The following UBXN2A variants were observed in gnomAD, a reference collection of about 807,000 sequenced individuals.
UBXN2A encodes UBX domain protein 2A.
A neutral mutation model predicts 28.4 loss-of-function variants in UBXN2A; 28 were observed. The observed-to-expected ratio is 0.99, with a 90% CI of 0.73 to 1.35. The LOEUF (loss-of-function observed/expected upper bound fraction) is 1.35, where lower values mean the gene tolerates loss of function less well. Among genes scored for constraint, UBXN2A ranks in the 40% most tolerant of loss-of-function variants. The pLI is 0.00. For missense variants in UBXN2A, 253 were observed against 297.9 expected, an observed-to-expected ratio of 0.85 and a Z score of 1.11; for synonymous variants, 97 against 103.6, an observed-to-expected ratio of 0.94 and a Z score of 0.39.
At chr2:23,977,348 C>CGGGGGGGGGG in intron 4 of UBXN2A, 1 of 3,272 alleles carries the variant, frequency 3.1e-4, no homozygotes, top group African/African-American at 1.8e-3. Flanking sequence ...AGGCGGGGGT[C>CGGGGGGGGGG]GGGGGGGTGG....
At chr2:23,955,169 G>T (rs547059188) in intron 1 of UBXN2A, among the ~76,000 whole-genome samples, 1 of 152,146 alleles carries the variant, frequency 6.6e-6, no homozygotes, top group South Asian at 2.1e-4. Context: ...CTGACCTTGT[G>T]ATTCGCCCAC....
At chr2:23,932,519 C>T (rs548173761) in intron 1 of UBXN2A, among the ~76,000 whole-genome samples, 7 of 152,102 alleles carry the variant, frequency 4.6e-5, no homozygotes, top group Non-Finnish European at 8.8e-5. Flanking sequence ...CCCACCTTTC[C>T]CAACACTGAC....
At chr2:23,941,032 C>T (rs1347881317) in intron 1 of UBXN2A, among the ~76,000 whole-genome samples, 6 of 152,180 alleles carry the variant, frequency 3.9e-5, no homozygotes, top group Admixed American at 6.5e-5. Flanking sequence ...CAAAGTATGC[C>T]TATTAGTGAC....
chr2:23,974,439 G>A (rs547816646), intron 3 of UBXN2A, among the ~76,000 whole-genome samples: 41 of 151,050 alleles, frequency 2.7e-4, no homozygotes, highest in East Asian at 5.9e-4. Context: ...TCCGCCTCCC[G>A]GGTTCACACC....
rs1476972953 is a variant in UBXN2A, at chr2:24,004,787, T to C, written c.*4920T>C. 6.6e-6 allele frequency: 1 copy of C among 152,276 alleles called. No individual in the cohort carries two copies. The highest frequency in any genetic ancestry group is 1.5e-5 in the Non-Finnish European group (1 of 68,048). The allele number at this position is 152,276 out of a possible 1,614,324, so 9.4% of individuals were successfully genotyped here. A position where few individuals can be genotyped will look rare whatever the true frequency, so the allele number is the denominator to read the frequency against. On this transcript the variant is annotated 3_prime_UTR_variant, in exon 7 of 7. Coordinates refer to ENST00000309033, the MANE Select transcript of UBXN2A (RefSeq NM_181713.4). ...TCTCGGTATAATTTTTCATGACATTTCAGCATGTTGATAATATGTGTGCAT... is the reference window on the plus strand; with the variant it reads ...TCTCGGTATAATTTTTCATGACATTCCAGCATGTTGATAATATGTGTGCAT...
Position 23,984,750 on chromosome 2 carries a change from A to G in UBXN2A, c.503A>G (p.Asn168Ser), listed in dbSNP as rs752140305. Residue 168 changes from asparagine to serine, a missense_variant, in exon 6 of 7, where the codon AAC (asparagine) becomes AGC (serine). Physicochemically the swap from Asn to Ser is conservative, Grantham distance 46. Transcript: ENST00000309033. ...NKNNLSAVPL[N>S]NLEPITNIQI... ...AATAATTTGTCTGCTGTTCCACTGA[A>G]CAACTTGGAACCCATTACTAATATA... is the stretch of plus-strand genomic sequence containing the variant. 6.4e-7 allele frequency: 1 copy of G among 1,565,598 alleles called. No homozygotes were observed. The highest frequency in any genetic ancestry group is 8.6e-7 in the Non-Finnish European group (1 of 1,165,088).
rs369295687 is a variant in UBXN2A at position 24,000,883 on chromosome 2, A to T, written c.*1016A>T. ...AAAATTATGGATTTGTTTTTGGCTA[A>T]CATTTGGGATTAGCCATTCATTTGC... On this transcript the variant is annotated 3_prime_UTR_variant, in exon 7 of 7. Transcript: ENST00000309033. The T allele has an allele frequency of 2.7e-4, 41 of 152,326 alleles. No homozygotes were observed. Among genetic ancestry groups the T allele is most frequent in the African/African-American group, 9.1e-4 (38 of 41,576 alleles). The allele number at this position is 152,326 out of a possible 1,614,324, so 9.4% of individuals were successfully genotyped here. A position where few individuals can be genotyped will look rare whatever the true frequency, so the allele number is the denominator to read the frequency against.
intron 1 of UBXN2A, among the ~76,000 whole-genome samples, chr2:23,951,243 C>T (rs1292935124): frequency 6.6e-6 from 1 of 151,252 alleles, no homozygotes; most frequent in East Asian, 1.9e-4. Context: ...AACAAACAGC[C>T]CCACCAGATT....
At position 23,927,633 on chromosome 2, in the gene UBXN2A, A is replaced by AC; in HGVS notation, c.-138+18_-138+19insC. The AC allele has an allele frequency of 3.9e-5, 5 of 127,092 alleles. No individual in the cohort carries two copies. In the Middle Eastern group the frequency reaches 0.02, roughly 500 times the overall value. The allele number at this position is 127,092 out of a possible 1,614,324, so 7.9% of individuals were successfully genotyped here. A position where few individuals can be genotyped will look rare whatever the true frequency, so the allele number is the denominator to read the frequency against. ...GGAACTTGGTAAGCTTAAGAAGAGA[A>AC]GGGGGGGGGGAAACACCATGCTAGA... On this transcript the variant is annotated intron_variant, in intron 1 of 7. Transcript: ENST00000404924.
intron 2 of UBXN2A, among the ~76,000 whole-genome samples, chr2:23,960,758 G>A (rs1305380921): frequency 2.0e-5 from 3 of 151,314 alleles, no homozygotes; most frequent in South Asian, 2.1e-4. Flanking sequence ...TCAGCCTCCC[G>A]AGTGGCTGAG....
chr2:23,986,019 A>C (rs1284412306), intron 6 of UBXN2A, among the ~76,000 whole-genome samples: 1 of 151,884 alleles, frequency 6.6e-6, no homozygotes, highest in East Asian at 1.9e-4. Flanking sequence ...AATAACAGTA[A>C]TGAAGTTGGC....
chr2:24,002,287 C>G lies in UBXN2A; in HGVS notation c.*2420C>G, dbSNP rs1297739574. 1.3e-5 allele frequency: 2 copies of G among 152,030 alleles called. No homozygotes were observed. Among genetic ancestry groups the G allele is most frequent in the African/African-American group, 2.4e-5 (1 of 41,380 alleles). 9.4% of individuals were successfully genotyped at this position (152,030 alleles called of 1,614,324 possible). ...TGGTGTGGTGGCACATGCCTGTAAT[C>G]TCAGCTACTAGGGAGGCTGAGGGAG... is the stretch of plus-strand genomic sequence containing the variant. On this transcript the variant is annotated 3_prime_UTR_variant, in exon 7 of 7. Transcript: ENST00000309033.
chr2:23,947,681 A>G (rs1706154901), intron 1 of UBXN2A, among the ~76,000 whole-genome samples: 1 of 152,180 alleles, frequency 6.6e-6, no homozygotes, highest in African/African-American at 2.4e-5. Context: ...TTTTTACATC[A>G]TAATTCTATG....
rs1708697455 is a variant in UBXN2A at position 24,000,452 on chromosome 2, G to C, written c.*585G>C. 6.6e-6 allele frequency: 1 copy of C among 152,388 alleles called. No homozygotes were observed. The highest frequency in any genetic ancestry group is 6.5e-5 in the Admixed American group (1 of 15,288). The allele number at this position is 152,388 out of a possible 1,614,324, so 9.4% of individuals were successfully genotyped here. ...AGCTACTCGGGAGGCTGAGGCAGGAGAATCTCTTGAACCTGGCAAGTGTAG... is the reference window on the plus strand; with the variant it reads ...AGCTACTCGGGAGGCTGAGGCAGGACAATCTCTTGAACCTGGCAAGTGTAG... On this transcript the variant is annotated 3_prime_UTR_variant, in exon 7 of 7. Coordinates refer to ENST00000309033, the MANE Select transcript of UBXN2A (RefSeq NM_181713.4).
chr2:23,940,676 C>G (rs1705706722), intron 1 of UBXN2A, 28 bp downstream of exon 1: 1 of 151,550 alleles, frequency 6.6e-6, no homozygotes, highest in African/African-American at 2.4e-5. Flanking sequence ...GCGCCGCGTC[C>G]GGCGGGGTGA....
In UBXN2A at chr2:23,971,322, CA is replaced by C; in HGVS notation, c.90del (p.Gln30HisfsTer32). 1 of 1,574,532 alleles carries C rather than the reference CA, an allele frequency of 6.4e-7. No homozygotes were observed. The highest frequency in any genetic ancestry group is 8.7e-7 in the Non-Finnish European group (1 of 1,151,560). ...SDNQPLGNNQ[Q>X]SNCEYFVDSL... ...TAATCAACCTCTTGGTAATAATCAA[CA>C]ATCAAATTGTGAATATTTTGTTGAT... is the stretch of plus-strand genomic sequence containing the variant. On this transcript the variant is annotated frameshift_variant, in exon 3 of 7. Transcript: ENST00000309033. LOFTEE classifies it high-confidence loss of function.
intron 1 of UBXN2A, among the ~76,000 whole-genome samples, chr2:23,955,621 G>A (rs975458128): frequency 6.6e-6 from 1 of 152,128 alleles, no homozygotes; most frequent in African/African-American, 2.4e-5. Context: ...TATACACACA[G>A]GCTGTATGGT....
At position 23,940,644 on chromosome 2, in the gene UBXN2A, C is replaced by G. The variant is rs1243691680; in HGVS notation, c.-19C>G. 6.6e-6 allele frequency: 1 copy of G among 151,456 alleles called. No individual in the cohort carries two copies. Among genetic ancestry groups the G allele is most frequent in the African/African-American group, 2.4e-5 (1 of 41,326 alleles). The allele number at this position is 151,456 out of a possible 1,614,324, so 9.4% of individuals were successfully genotyped here. ...GAGGCCGAGGCCGGGAGGCCGTGCC[C>G]GGAGGTGAGCGTCCCGGGGCCGCGC... On this transcript the variant is annotated 5_prime_UTR_variant, in exon 1 of 7. Transcript: ENST00000309033.
At chr2:23,976,462 C>G (rs1455007623) in intron 3 of UBXN2A, among the ~76,000 whole-genome samples, 2 of 152,118 alleles carry the variant, frequency 1.3e-5, no homozygotes, top group Non-Finnish European at 2.9e-5. Context: ...AAGACATACC[C>G]GAGACTGGGA....
Sources: allele counts gnomAD v4.1 joint callset (sites outside exome capture counted in the v4.1 genomes callset), GRCh38; gene constraint gnomAD v4.1.1; transcripts MANE v1.5; gene names NCBI Gene and HGNC (gene_info 2026-07-23, HGNC 2026-07-21).